ASXL1: variants seen among roughly 807,000 people sequenced by gnomAD.
ASXL1 encodes ASXL transcriptional regulator 1.
Under a neutral mutation model 89.1 loss-of-function variants are expected in ASXL1, and 65 were observed. That is an observed-to-expected ratio of 0.73 (90% confidence interval 0.60 to 0.90). The LOEUF (loss-of-function observed/expected upper bound fraction) is 0.90. Among genes scored for constraint, ASXL1 ranks in the 40% least tolerant of loss-of-function variants. The pLI is 0.00. For missense variants in ASXL1, 1,786 were observed against 1,942.9 expected, an observed-to-expected ratio of 0.92 and a Z score of 1.52; for synonymous variants, 739 against 746.9, an observed-to-expected ratio of 0.99 and a Z score of 0.17.
At chr20:32,375,310 G>A (rs1435431555) in intron 4 of ASXL1, among the ~76,000 whole-genome samples, 1 of 152,032 alleles carries the variant, frequency 6.6e-6, no homozygotes, top group Non-Finnish European at 1.5e-5. Context: ...TTAGCTGGGT[G>A]TGGTGGCGTG....
intron 4 of ASXL1, among the ~76,000 whole-genome samples, chr20:32,402,697 G>T (rs571428728): frequency 1.3e-5 from 2 of 152,106 alleles, no homozygotes; most frequent in Non-Finnish European, 2.9e-5. Context: ...TTGCATTTCC[G>T]TAGTGGCTAA....
intron 4 of ASXL1, among the ~76,000 whole-genome samples, chr20:32,374,852 A>G (rs772593577): frequency 1.2e-4 from 18 of 152,168 alleles, no homozygotes; most frequent in Non-Finnish European, 2.5e-4. Flanking sequence ...AAATACATAT[A>G]TATATATTTT....
chr20:32,401,434 T>G lies in ASXL1; in HGVS notation c.253-26694T>G, dbSNP rs555014482. 2.6e-5 allele frequency among the ~76,000 whole-genome samples: 4 copies of G among 152,264 alleles called. No individual in the cohort carries two copies. The East Asian group carries it at 7.7e-4, about 29-fold the overall frequency. Reference sequence around the variant, plus strand: ...CTATAATTTTATCTTTCTCAGAATGTCATAATACAGTAGTCCCCGTTATCT... The same window carrying G: ...CTATAATTTTATCTTTCTCAGAATGGCATAATACAGTAGTCCCCGTTATCT... On this transcript the variant is annotated intron_variant, in intron 4 of 12. Transcript: ENST00000375687.
chr20:32,419,476 T>C (rs948804371), intron 4 of ASXL1, among the ~76,000 whole-genome samples: 2 of 152,160 alleles, frequency 1.3e-5, no homozygotes, highest in African/African-American at 4.8e-5. Flanking sequence ...AGTGCTGGGA[T>C]TACAAGTGTA....
In ASXL1 at chr20:32,439,027, T is replaced by C. The variant is rs999118099; in HGVS notation, c.*1689T>C. ...TTTTATCTGAAAGGTTTTTTTCTCATTTAATCTGATGTGGCATTTTCGTCA... is the reference window on the plus strand; with the variant it reads ...TTTTATCTGAAAGGTTTTTTTCTCACTTAATCTGATGTGGCATTTTCGTCA... On this transcript the variant is annotated 3_prime_UTR_variant, in exon 13 of 13. Coordinates refer to ENST00000375687, the MANE Select transcript of ASXL1 (RefSeq NM_015338.6). 5 of 233,586 alleles carry C rather than the reference T, an allele frequency of 2.1e-5. No homozygotes were observed. The highest frequency in any genetic ancestry group is 3.4e-5 in the Non-Finnish European group (4 of 118,020). The allele number at this position is 233,586 out of a possible 1,614,324, so 14.5% of individuals were successfully genotyped here.
At chr20:32,389,808 TC>T in intron 4 of ASXL1, among the ~76,000 whole-genome samples, 1 of 152,302 alleles carries the variant, frequency 6.6e-6, no homozygotes, top group Non-Finnish European at 1.5e-5. Context: ...CCTCAGGTGA[TC>T]CACCCACCTT....
chr20:32,373,332 G>A (rs1260461722), intron 4 of ASXL1, among the ~76,000 whole-genome samples: 3 of 151,950 alleles, frequency 2.0e-5, no homozygotes, highest in Non-Finnish European at 4.4e-5. Flanking sequence ...AGCTGAGATC[G>A]TGCCATTGCA....
At chr20:32,412,070 G>A (rs541274426) in intron 4 of ASXL1, among the ~76,000 whole-genome samples, 1 of 152,110 alleles carries the variant, frequency 6.6e-6, no homozygotes, top group Non-Finnish European at 1.5e-5. Context: ...CCATTTTCCT[G>A]GGGAGCTCTG....
At chr20:32,431,742 C>T in intron 10 of ASXL1, 63 bp downstream of exon 10, 1 of 1,541,630 alleles carries the variant, frequency 6.5e-7, no homozygotes, top group Non-Finnish European at 8.9e-7. Flanking sequence ...TTGCATGTCT[C>T]CTGGTATTTA....
At chr20:32,386,486 C>T (rs1418835921) in intron 4 of ASXL1, among the ~76,000 whole-genome samples, 2 of 151,854 alleles carry the variant, frequency 1.3e-5, no homozygotes, top group South Asian at 2.1e-4. Context: ...GGCATGATCC[C>T]GGCTCACTGC....
intron 4 of ASXL1, among the ~76,000 whole-genome samples, chr20:32,411,536 CTTTT>C (rs749530241): frequency 1.2e-4 from 15 of 123,896 alleles, no homozygotes; most frequent in Non-Finnish European, 2.4e-4. Context: ...CCATGGATTC[CTTTT>C]TTTTTTTTTT....
intron 10 of ASXL1, chr20:32,432,539 C>T (rs781501914): frequency 2.1e-5 from 7 of 331,234 alleles, no homozygotes; most frequent in Non-Finnish European, 3.5e-5. Context: ...CTCCTGAAAT[C>T]TAAGTTCCCA....
At chr20:32,389,347 T>G (rs2048631441) in intron 4 of ASXL1, among the ~76,000 whole-genome samples, 1 of 152,206 alleles carries the variant, frequency 6.6e-6, no homozygotes, top group African/African-American at 2.4e-5. Context: ...GCCATATGAT[T>G]TACCTGTTCT....
intron 10 of ASXL1, 119 bp from the exon 11 acceptor site, chr20:32,432,761 A>C (rs2011559132): frequency 8.8e-6 from 11 of 1,245,358 alleles, no homozygotes; most frequent in Non-Finnish European, 1.0e-5. Flanking sequence ...CTATAAGAGC[A>C]TGATGTGAGA....
intron 12 of ASXL1, chr20:32,434,169 G>A (rs756311222): frequency 4.3e-6 from 3 of 705,198 alleles, no homozygotes; most frequent in Non-Finnish European, 6.9e-6. Flanking sequence ...TTTTAAGATA[G>A]CATTAGATTC....
chr20:32,398,603 G>GTTTT (rs375341392), intron 4 of ASXL1, among the ~76,000 whole-genome samples: 8 of 126,440 alleles, frequency 6.3e-5, no homozygotes, highest in Admixed American at 8.4e-5. Flanking sequence ...TTTTTTGTTT[G>GTTTT]TTTTTTTTTT....
intron 4 of ASXL1, among the ~76,000 whole-genome samples, chr20:32,369,622 A>G (rs1217661658): frequency 6.6e-6 from 1 of 151,478 alleles, no homozygotes; most frequent in Non-Finnish European, 1.5e-5. Context: ...TTATTTAGTC[A>G]TAGCAGCTCT....
chr20:32,419,981 A>T (rs1366863789), intron 4 of ASXL1, among the ~76,000 whole-genome samples: 1 of 151,742 alleles, frequency 6.6e-6, no homozygotes, highest in East Asian at 1.9e-4. Context: ...CACCCGGCTG[A>T]TGGATAAATT....
intron 4 of ASXL1, among the ~76,000 whole-genome samples, chr20:32,386,119 C>T (rs1461720923): frequency 6.6e-6 from 1 of 152,116 alleles, no homozygotes; most frequent in Non-Finnish European, 1.5e-5. Context: ...CCTGACTGGG[C>T]CTTAGGGGCA....
Sources: gnomAD v4.1 joint callset for allele counts (sites outside exome capture counted in the v4.1 genomes callset) on GRCh38, gnomAD v4.1.1 for gene constraint, MANE v1.5 for transcripts, NCBI Gene and HGNC (gene_info 2026-07-23, HGNC 2026-07-21) for gene names.